Variants in QTMAN observed in about 807,000 individuals in gnomAD.
QTMAN encodes the protein queuosine-tRNA mannosyltransferase, also known as tRNA-queuosine alpha-mannosyltransferase.
At chr2:143,995,310 ATTTCT>A in the QTMAN span, among the ~76,000 whole-genome samples, 1 of 152,082 alleles carries the variant, frequency 6.6e-6, no homozygotes, top group African/African-American at 2.4e-5. Flanking sequence ...TTATTTAGCT[ATTTCT>A]TTTCTTTTTT....
At chr2:144,012,294 C>T in the QTMAN span, among the ~76,000 whole-genome samples, 1 of 152,136 alleles carries the variant, frequency 6.6e-6, no homozygotes. Context: ...CACCACAGTC[C>T]CCATGTCCAA....
chr2:144,262,383 C>T, the QTMAN span, among the ~76,000 whole-genome samples: 2 of 151,774 alleles, frequency 1.3e-5, no homozygotes, highest in Non-Finnish European at 2.9e-5. Flanking sequence ...CATAGCAAAA[C>T]ACTATCTCTA....
chr2:144,273,794 T>G, the QTMAN span, among the ~76,000 whole-genome samples: 1 of 152,284 alleles, frequency 6.6e-6, no homozygotes, highest in East Asian at 1.9e-4. Context: ...AACAGAAGAC[T>G]TCATATAACT....
chr2:144,074,668 G>A, the QTMAN span, among the ~76,000 whole-genome samples: 5 of 152,090 alleles, frequency 3.3e-5, no homozygotes, highest in South Asian at 2.1e-4. Context: ...CAGACACTAA[G>A]GCCGTAAAAG....
chr2:144,250,522 T>C, the QTMAN span, among the ~76,000 whole-genome samples: 1 of 152,150 alleles, frequency 6.6e-6, no homozygotes, highest in African/African-American at 2.4e-5. Flanking sequence ...TAACAGTTGA[T>C]TATATCTGAT....
At chr2:144,256,548 C>G in the QTMAN span, among the ~76,000 whole-genome samples, 5 of 152,060 alleles carry the variant, frequency 3.3e-5, no homozygotes, top group Non-Finnish European at 5.9e-5. Flanking sequence ...ATGTCCTTTG[C>G]AGGGACATGA....
the QTMAN span, among the ~76,000 whole-genome samples, chr2:143,949,696 A>G: frequency 7.5e-3 from 1,136 of 152,000 alleles, 9 homozygotes; most frequent in Non-Finnish European, 0.012. Flanking sequence ...CCGACTGCAT[A>G]AGAAAAGTAG....
the QTMAN span, among the ~76,000 whole-genome samples, chr2:144,198,146 G>C: frequency 6.6e-6 from 1 of 152,126 alleles, no homozygotes; most frequent in East Asian, 1.9e-4. Context: ...AGGATCATTT[G>C]AGCTGAGGAG....
At chr2:144,175,011 G>C in the QTMAN span, among the ~76,000 whole-genome samples, 1 of 152,078 alleles carries the variant, frequency 6.6e-6, no homozygotes, top group Admixed American at 6.6e-5. Flanking sequence ...AACTGGGTAG[G>C]GGACCAGGAA....
At chr2:144,101,061 G>A in the QTMAN span, among the ~76,000 whole-genome samples, 1 of 151,478 alleles carries the variant, frequency 6.6e-6, no homozygotes, top group Non-Finnish European at 1.5e-5. Context: ...GTACAGATGG[G>A]GTTTCACCAT....
At chr2:144,049,778 A>G in the QTMAN span, among the ~76,000 whole-genome samples, 1 of 152,182 alleles carries the variant, frequency 6.6e-6, no homozygotes, top group Non-Finnish European at 1.5e-5. Flanking sequence ...GCAGCCTAAT[A>G]ATGTCTCATG....
chr2:144,153,992 A>T, the QTMAN span, among the ~76,000 whole-genome samples: 1 of 152,170 alleles, frequency 6.6e-6, no homozygotes, highest in Admixed American at 6.5e-5. Flanking sequence ...TTCAAATTCA[A>T]GTTGATCTGG....
chr2:144,231,365 T>C, the QTMAN span, among the ~76,000 whole-genome samples: 4 of 152,294 alleles, frequency 2.6e-5, no homozygotes, highest in South Asian at 6.2e-4. Flanking sequence ...ATACTTAATA[T>C]AGTAAAATCC....
the QTMAN span, among the ~76,000 whole-genome samples, chr2:144,074,126 A>G: frequency 2.6e-5 from 4 of 152,230 alleles, no homozygotes; most frequent in African/African-American, 9.6e-5. Context: ...CCAAAAGGGG[A>G]TATGAATCTC....
the QTMAN span, among the ~76,000 whole-genome samples, chr2:143,999,105 G>A: frequency 9.9e-5 from 15 of 151,916 alleles, no homozygotes; most frequent in African/African-American, 3.6e-4. Context: ...AAACAAAAAA[G>A]TTTCTGTCTC....
chr2:143,995,097 CA>C, the QTMAN span, among the ~76,000 whole-genome samples: 2 of 151,594 alleles, frequency 1.3e-5, no homozygotes, highest in East Asian at 1.9e-4. Flanking sequence ...GTAAGAGCCT[CA>C]AAAAAAATTC....
the QTMAN span, among the ~76,000 whole-genome samples, chr2:144,275,786 T>G: frequency 1.3e-5 from 2 of 152,210 alleles, no homozygotes; most frequent in South Asian, 4.1e-4. Flanking sequence ...TTGGCTGTTA[T>G]TTTATCAAGA....
the QTMAN span, among the ~76,000 whole-genome samples, chr2:144,267,375 A>G: frequency 6.6e-6 from 1 of 152,238 alleles, no homozygotes; most frequent in Non-Finnish European, 1.5e-5. Context: ...GAAAGTGCTC[A>G]TGTAGCTGAA....
At chr2:144,133,116 A>ATATAT in the QTMAN span, among the ~76,000 whole-genome samples, 2 of 41,386 alleles carry the variant, frequency 4.8e-5, no homozygotes, top group Non-Finnish European at 7.7e-5. Context: ...AATGACTGGT[A>ATATAT]ATATATATAT....
Sources: allele counts gnomAD v4.1 joint callset (sites outside exome capture counted in the v4.1 genomes callset), GRCh38; gene constraint gnomAD v4.1.1; transcripts MANE v1.5; gene names NCBI Gene and HGNC (gene_info 2026-07-23, HGNC 2026-07-21).